Variants in RNF145 observed in about 807,000 individuals in gnomAD.
RNF145 encodes the protein ring finger protein 145.
A neutral mutation model predicts 57.3 loss-of-function variants in RNF145; 12 were observed. The observed-to-expected ratio is 0.21, with a 90% CI of 0.13 to 0.34. RNF145 has a LOEUF of 0.34. Among genes scored for constraint, RNF145 ranks in the 10% least tolerant of loss-of-function variants. The pLI is 1.00. For missense variants in RNF145, 429 were observed against 799.0 expected, an observed-to-expected ratio of 0.54 and a Z score of 5.58; for synonymous variants, 262 against 288.3, an observed-to-expected ratio of 0.91 and a Z score of 0.92.
chr5:159,209,699 A>G, upstream of RNF145: 2 of 977,978 alleles, frequency 2.0e-6, no homozygotes, highest in South Asian at 1.8e-5. Context: ...CGGGAGACAT[A>G]AGCCTAGCCA....
chr5:159,161,668 A>G (rs552772641), intron 9 of RNF145, 46 bp from the exon 10 acceptor site: 5 of 1,117,984 alleles, frequency 4.5e-6, no homozygotes, highest in Admixed American at 2.2e-5. Context: ...ATGATCACTA[A>G]GATACTTTTT....
intron 1 of RNF145, among the ~76,000 whole-genome samples, chr5:159,208,496 G>A (rs1009689772): frequency 1.3e-5 from 2 of 152,158 alleles, no homozygotes; most frequent in African/African-American, 4.8e-5. Flanking sequence ...CAAGACAGAG[G>A]AAACCACGGG....
chr5:159,204,236 AT>A (rs540464231), intron 1 of RNF145, among the ~76,000 whole-genome samples: 134 of 152,272 alleles, frequency 8.8e-4, no homozygotes, highest in African/African-American at 3.1e-3. Context: ...ATTTCCTTGA[AT>A]CTTTAAAGTT....
intron 4 of RNF145, among the ~76,000 whole-genome samples, chr5:159,178,067 T>C (rs976875556): frequency 6.6e-5 from 10 of 152,178 alleles, no homozygotes; most frequent in African/African-American, 2.4e-4. Flanking sequence ...AAGTATGTAT[T>C]GAAAATAGTC....
At chr5:159,189,382 T>C (rs978606413) in intron 3 of RNF145, among the ~76,000 whole-genome samples, 2 of 152,172 alleles carry the variant, frequency 1.3e-5, no homozygotes, top group African/African-American at 2.4e-5. Context: ...ATCAGGGAAA[T>C]GCAAATCTAA....
chr5:159,171,819 T>C (rs1271796927), intron 6 of RNF145, among the ~76,000 whole-genome samples: 1 of 152,058 alleles, frequency 6.6e-6, no homozygotes, highest in African/African-American at 2.4e-5. Flanking sequence ...AGAGAATAAC[T>C]CTTACAGAGA....
intron 10 of RNF145, among the ~76,000 whole-genome samples, chr5:159,159,962 A>C (rs1784159479): frequency 6.6e-6 from 1 of 152,200 alleles, no homozygotes; most frequent in Non-Finnish European, 1.5e-5. Flanking sequence ...ATCCAAGGAA[A>C]AGCAGCCAGC....
At position 159,207,954 on chromosome 5, in the gene RNF145, T is replaced by C. The variant is rs915195399; in HGVS notation, c.-40+1277A>G. 5.0e-6 allele frequency: 8 copies of C among 1,600,690 alleles called. No individual in the cohort carries two copies. In the East Asian group the frequency reaches 6.7e-5, roughly 13 times the overall value. ...CGACAGCTCATTCTTTTGGGCATGA[T>C]TCAAGATTCAGTAAAACTGCACACT... On this transcript the variant is annotated intron_variant, in intron 1 of 10. Coordinates refer to ENST00000424310, the MANE Select transcript of RNF145 (RefSeq NM_001199383.2).
At chr5:159,204,827 AGC>A (rs1785815905) in intron 1 of RNF145, among the ~76,000 whole-genome samples, 12 of 105,602 alleles carry the variant, frequency 1.1e-4, no homozygotes, top group Non-Finnish European at 9.0e-5. Flanking sequence ...AAAAAAAAAA[AGC>A]AAACAAAAGT....
At chr5:159,161,235 T>C in intron 10 of RNF145, 31 bp downstream of exon 10, 8 of 1,434,470 alleles carry the variant, frequency 5.6e-6, no homozygotes, top group Non-Finnish European at 7.8e-6. Context: ...CTGTATGACT[T>C]ACCCAAACAC....
At position 159,181,994 on chromosome 5, in the gene RNF145, A is replaced by T; in HGVS notation, c.351T>A (p.Pro117=). Residue 117 remains proline, a synonymous_variant, in exon 4 of 11, where the codon CCT becomes CCA. Coordinates refer to ENST00000424310, the MANE Select transcript of RNF145 (RefSeq NM_001199383.2). ...CTGTGGTAAACCGATTCATAGAGAG[A>T]GGTTCTAAATACATTGGTCCCTCAT... is the stretch of plus-strand genomic sequence containing the variant. ...FAYEGPMYLE[P]LSMNRFTTAL... The T allele has an allele frequency of 4.4e-6, 7 of 1,608,840 alleles. No homozygotes were observed. Among genetic ancestry groups the T allele is most frequent in the Non-Finnish European group, 5.1e-6 (6 of 1,175,728 alleles).
Position 159,174,171 on chromosome 5 carries a change from G to A in RNF145, c.622-13C>T, listed in dbSNP as rs200499047. 1,206 of 1,573,786 alleles carry A rather than the reference G, an allele frequency of 7.7e-4. 3 individuals carry two copies. The highest frequency in any genetic ancestry group is 3.2e-3 in the South Asian group (269 of 84,084). ...ATACCTCCACTACCTAAATAAAAAC[G>A]TAAGATAGGAAAACTTCTTGCATCA... is the stretch of plus-strand genomic sequence containing the variant. On this transcript the variant is annotated splice_polypyrimidine_tract_variant and intron_variant, in intron 5 of 10. Coordinates refer to ENST00000424310, the MANE Select transcript of RNF145 (RefSeq NM_001199383.2).
At chr5:159,174,524 A>C (rs1234893983) in intron 5 of RNF145, among the ~76,000 whole-genome samples, 1 of 152,186 alleles carries the variant, frequency 6.6e-6, no homozygotes, top group East Asian at 1.9e-4. Flanking sequence ...ATGAATTGAT[A>C]CAACACTGCT....
chr5:159,191,198 T>C (rs569565116), intron 3 of RNF145, among the ~76,000 whole-genome samples: 2 of 152,220 alleles, frequency 1.3e-5, no homozygotes, highest in South Asian at 2.1e-4. Flanking sequence ...ACAAGCTTAG[T>C]CTACAATTTC....
rs533531944 is a variant in RNF145, at chr5:159,187,503, AT to A, written c.294-5453del. Among the ~76,000 whole-genome samples the A allele has an allele frequency of 1.5e-3, 224 of 151,584 alleles. 1 individual carries two copies. Among genetic ancestry groups the A allele is most frequent in the African/African-American group, 5.0e-3 (205 of 41,356 alleles). On this transcript the variant is annotated intron_variant, in intron 3 of 10. Coordinates refer to ENST00000424310, the MANE Select transcript of RNF145 (RefSeq NM_001199383.2). ...CCACCATGCCCGGCTAATTTTTTGT[AT>A]TTTTAGTAGATACGGGGTTTCACTA... is the stretch of plus-strand genomic sequence containing the variant.
At chr5:159,210,013 G>T, upstream of RNF145, 1 of 887,446 alleles carries the variant, frequency 1.1e-6, no homozygotes, top group Non-Finnish European at 1.8e-6. Context: ...CCAAGTGCAG[G>T]CACTCAAACC....
chr5:159,162,165 G>A (rs1422297938), intron 9 of RNF145, among the ~76,000 whole-genome samples: 4 of 152,108 alleles, frequency 2.6e-5, no homozygotes. Context: ...TATCATGTCT[G>A]TATGTGTGCA....
chr5:159,173,272 G>A (rs1292035841), intron 6 of RNF145, among the ~76,000 whole-genome samples: 2 of 151,760 alleles, frequency 1.3e-5, no homozygotes, highest in African/African-American at 2.4e-5. Flanking sequence ...ATCAGCTATC[G>A]TTAGTGCTAG....
At chr5:159,168,165 A>G (rs143212783) in intron 8 of RNF145, among the ~76,000 whole-genome samples, 10 of 152,310 alleles carry the variant, frequency 6.6e-5, no homozygotes, top group South Asian at 4.1e-4. Flanking sequence ...ATTTCTGGAT[A>G]CCTCAATTAT....
Sources: gnomAD v4.1 joint callset for allele counts (sites outside exome capture counted in the v4.1 genomes callset) on GRCh38, gnomAD v4.1.1 for gene constraint, MANE v1.5 for transcripts, NCBI Gene and HGNC (gene_info 2026-07-23, HGNC 2026-07-21) for gene names.